TMLHE: variants seen among roughly 807,000 people sequenced by gnomAD.
TMLHE encodes trimethyllysine hydroxylase, epsilon.
A neutral mutation model predicts 25.7 loss-of-function variants in TMLHE; 18 were observed. The observed-to-expected ratio is 0.70, with a 90% CI of 0.48 to 1.04. TMLHE has a LOEUF of 1.04. Among genes scored for constraint, TMLHE ranks in the 50% least tolerant of loss-of-function variants. The pLI is 0.00. For missense variants in TMLHE, 236 were observed against 259.0 expected, an observed-to-expected ratio of 0.91 and a Z score of 0.61; for synonymous variants, 105 against 97.0, an observed-to-expected ratio of 1.08 and a Z score of -0.49.
At chrX:155,513,900 G>T in intron 4 of TMLHE, 86 bp downstream of exon 4, 1 of 978,987 alleles carries the variant, frequency 1.0e-6, no homozygotes, top group Non-Finnish European at 1.4e-6. Flanking sequence ...AAACGAGGGT[G>T]ACCATACCTG....
At chrX:155,577,595 A>T (rs1467503700) in intron 1 of TMLHE, among the ~76,000 whole-genome samples, 1 of 110,164 alleles carries the variant, frequency 9.1e-6, no homozygotes, top group Admixed American at 9.7e-5. Flanking sequence ...AAAAAAAAAT[A>T]GAAAAATGTA....
intron 5 of TMLHE, among the ~76,000 whole-genome samples, chrX:155,511,023 T>C (rs2067108766): frequency 8.9e-6 from 1 of 111,880 alleles, no homozygotes; most frequent in Non-Finnish European, 1.9e-5. Flanking sequence ...TTTTCTCATG[T>C]GTTTTTTGGC....
intron 1 of TMLHE, among the ~76,000 whole-genome samples, chrX:155,605,653 A>G (rs2067782625): frequency 8.9e-6 from 1 of 112,293 alleles, no homozygotes; most frequent in Non-Finnish European, 1.9e-5. Flanking sequence ...ACTTAAAGAC[A>G]TAGGCCACTG....
intron 2 of TMLHE, among the ~76,000 whole-genome samples, chrX:155,533,380 C>CAT (rs1557337296): frequency 1.0e-4 from 2 of 19,093 alleles, no homozygotes; most frequent in African/African-American, 2.2e-4. Context: ...CGTGCACACG[C>CAT]ACACACACAC....
chrX:155,539,082 G>A (rs1456466022), intron 2 of TMLHE, among the ~76,000 whole-genome samples: 2 of 111,633 alleles, frequency 1.8e-5, no homozygotes, highest in Admixed American at 1.9e-4. Context: ...GAAAATTCAT[G>A]GCATTTCTTC....
At chrX:155,575,578 A>C (rs1557343700) in intron 1 of TMLHE, among the ~76,000 whole-genome samples, 1 of 112,242 alleles carries the variant, frequency 8.9e-6, no homozygotes, top group Non-Finnish European at 1.9e-5. Flanking sequence ...AAAGCCAAAG[A>C]AAATAAGCAA....
intron 1 of TMLHE, among the ~76,000 whole-genome samples, chrX:155,594,002 A>G (rs1453980552): frequency 1.8e-5 from 2 of 111,535 alleles, no homozygotes; most frequent in Non-Finnish European, 3.8e-5. Context: ...CAGAGAGGAA[A>G]AGAGCCAGAA....
intron 1 of TMLHE, among the ~76,000 whole-genome samples, chrX:155,548,535 GCCAGCCTGACTAACA>G (rs2067379084): frequency 9.2e-6 from 1 of 109,143 alleles, no homozygotes; most frequent in Non-Finnish European, 1.9e-5. Context: ...GCAGTATGAG[GCCAGCCTGACTAACA>G]TGGTGAAACC....
Position 155,548,857 on chromosome X carries a change from G to C in TMLHE, c.-1-3580C>G, listed in dbSNP as rs375726373. Among the ~76,000 whole-genome samples the C allele has an allele frequency of 5.4e-5, 6 of 110,639 alleles. No individual in the cohort carries two copies. In the East Asian group the frequency reaches 1.1e-3, roughly 21 times the overall value. On this transcript the variant is annotated intron_variant, in intron 1 of 7. Transcript: ENST00000334398. ...AATATGGTCAATCAATTCATGAAGA[G>C]ATGTTCAACCTCATTAATGATTAGG...
chrX:155,509,767 C>T (rs1443455547), intron 5 of TMLHE, among the ~76,000 whole-genome samples: 1 of 111,341 alleles, frequency 9.0e-6, no homozygotes, highest in Non-Finnish European at 1.9e-5. Context: ...TATTATCATC[C>T]TCTCATATAG....
intron 1 of TMLHE, among the ~76,000 whole-genome samples, chrX:155,592,171 C>T (rs782279847): frequency 2.7e-5 from 3 of 111,680 alleles, no homozygotes; most frequent in Non-Finnish European, 5.7e-5. Flanking sequence ...AGAGAATAAA[C>T]TGGTGCTTCT....
At chrX:155,583,343 G>C (rs2067643889) in intron 1 of TMLHE, among the ~76,000 whole-genome samples, 1 of 110,897 alleles carries the variant, frequency 9.0e-6, no homozygotes, top group South Asian at 3.8e-4. Flanking sequence ...AAAGAAGAAA[G>C]ACCATCAAAA....
At chrX:155,603,675 AG>A (rs1297613640) in intron 1 of TMLHE, among the ~76,000 whole-genome samples, 5 of 112,155 alleles carry the variant, frequency 4.5e-5, no homozygotes, top group Non-Finnish European at 9.4e-5. Context: ...CAACAGGAAA[AG>A]GTTAGTTTTT....
At position 155,556,727 on chromosome X, in the gene TMLHE, C is replaced by A. The variant is rs370717051; in HGVS notation, c.-1-11450G>T. ...CAGGGGACAGGGTTTTGAGATCAAC[C>A]GGTCTGACCAAAATTTATTAGGCAG... On this transcript the variant is annotated intron_variant, in intron 1 of 7. Transcript: ENST00000334398. 1.8e-5 allele frequency among the ~76,000 whole-genome samples: 2 copies of A among 110,092 alleles called. 1 individual carries two copies. Among genetic ancestry groups the A allele is most frequent in the Admixed American group, 1.9e-4 (2 of 10,376 alleles).
chrX:155,553,793 TTTAA>T (rs1300619109), intron 1 of TMLHE, among the ~76,000 whole-genome samples: 16 of 110,123 alleles, frequency 1.5e-4, no homozygotes, highest in African/African-American at 3.7e-4. Context: ...TTACTCCTTG[TTTAA>T]TTCTTATACA....
intron 1 of TMLHE, among the ~76,000 whole-genome samples, chrX:155,548,014 A>G (rs1318562281): frequency 8.9e-6 from 1 of 111,787 alleles, no homozygotes; most frequent in Non-Finnish European, 1.9e-5. Context: ...TTCAATTTTT[A>G]GAAATCAGCC....
intron 2 of TMLHE, among the ~76,000 whole-genome samples, chrX:155,535,301 A>G (rs1305766187): frequency 4.5e-5 from 5 of 112,269 alleles, no homozygotes; most frequent in Admixed American, 2.8e-4. Flanking sequence ...AGCTTAAACA[A>G]CAGATATTTA....
chrX:155,515,663 G>A (rs932899034), intron 3 of TMLHE, among the ~76,000 whole-genome samples: 2 of 110,962 alleles, frequency 1.8e-5, no homozygotes, highest in Non-Finnish European at 3.8e-5. Context: ...TTCTAATTTG[G>A]TAACTAAAGT....
chrX:155,596,545 T>A lies in TMLHE; in HGVS notation c.-2+16247A>T, dbSNP rs1283136990. Among the ~76,000 whole-genome samples, 4 of 111,606 alleles carry A rather than the reference T, an allele frequency of 3.6e-5. No individual in the cohort carries two copies. The Admixed American group carries it at 3.8e-4, about 11-fold the overall frequency. On this transcript the variant is annotated intron_variant, in intron 1 of 7. Coordinates refer to ENST00000334398, the MANE Select transcript of TMLHE (RefSeq NM_018196.4). ...GAGAACCCCAATAAAGAGAACATCA[T>A]GAAAGTCTGGAAGGATTACAACATT...
Sources: gnomAD v4.1 joint callset for allele counts (sites outside exome capture counted in the v4.1 genomes callset) on GRCh38, gnomAD v4.1.1 for gene constraint, MANE v1.5 for transcripts, NCBI Gene and HGNC (gene_info 2026-07-23, HGNC 2026-07-21) for gene names.